Variants in WDR72 observed in about 807,000 individuals in gnomAD.
WDR72 encodes the protein WD repeat-containing protein 72.
A neutral mutation model predicts 124.2 loss-of-function variants in WDR72; 120 were observed. The observed-to-expected ratio is 0.97, with a 90% CI of 0.83 to 1.12. WDR72 has a LOEUF of 1.12. Among genes scored for constraint, WDR72 ranks in the 50% most tolerant of loss-of-function variants. The pLI is 0.00. For missense variants in WDR72, 1,387 were observed against 1,278.8 expected, an observed-to-expected ratio of 1.08 and a Z score of -1.29; for synonymous variants, 452 against 441.7, an observed-to-expected ratio of 1.02 and a Z score of -0.29.
intron 17 of WDR72, among the ~76,000 whole-genome samples, chr15:53,608,406 T>C (rs1165699917): frequency 1.3e-5 from 2 of 152,180 alleles, no homozygotes; most frequent in Admixed American, 1.3e-4. Flanking sequence ...TTAAGTGAAA[T>C]AAGCCAGGCA....
chr15:53,703,173 C>A (rs552635480), intron 11 of WDR72, among the ~76,000 whole-genome samples: 1 of 152,178 alleles, frequency 6.6e-6, no homozygotes, highest in Non-Finnish European at 1.5e-5. Flanking sequence ...CTCAGCCTTC[C>A]AAAGTGCTGG....
chr15:53,712,279 A>C (rs183526436), intron 7 of WDR72, among the ~76,000 whole-genome samples: 1 of 152,192 alleles, frequency 6.6e-6, no homozygotes, highest in African/African-American at 2.4e-5. Flanking sequence ...AGTATATCCT[A>C]ATTTTATTAA....
intron 16 of WDR72, among the ~76,000 whole-genome samples, chr15:53,609,935 T>C (rs1379111578): frequency 6.6e-6 from 1 of 152,088 alleles, no homozygotes; most frequent in Non-Finnish European, 1.5e-5. Context: ...TTTTTACAGC[T>C]TCAACACATT....
intron 13 of WDR72, among the ~76,000 whole-genome samples, chr15:53,685,181 C>T (rs1268608326): frequency 6.7e-6 from 1 of 148,276 alleles, no homozygotes; most frequent in Non-Finnish European, 1.5e-5. Context: ...AACGCAGTTC[C>T]TCACCAGCAA....
intron 18 of WDR72, among the ~76,000 whole-genome samples, chr15:53,591,702 ACACACACACACACACACAC>A (rs2012512699): frequency 2.3e-5 from 1 of 44,424 alleles, no homozygotes; most frequent in Non-Finnish European, 4.1e-5. Context: ...ACACACACAC[ACACACACACACACACACAC>A]ACACACACAT....
At chr15:53,586,751 T>C (rs1906433) in intron 18 of WDR72, among the ~76,000 whole-genome samples, 58,210 of 151,932 alleles carry the variant, frequency 0.38, 11,438 homozygotes, top group Middle Eastern at 0.57. Context: ...CCTTTTCTAA[T>C]GGTGGAGACA....
chr15:53,757,266 A>G (rs2018933071), intron 1 of WDR72, among the ~76,000 whole-genome samples: 1 of 152,172 alleles, frequency 6.6e-6, no homozygotes, highest in African/African-American at 2.4e-5. Context: ...ACAACTGGGA[A>G]AAAATAACCA....
At chr15:53,672,994 G>A (rs962663745) in intron 13 of WDR72, among the ~76,000 whole-genome samples, 15 of 152,168 alleles carry the variant, frequency 9.9e-5, no homozygotes, top group East Asian at 1.9e-4. Flanking sequence ...GGTGGTGTAC[G>A]CCTGTAGTCC....
intron 13 of WDR72, among the ~76,000 whole-genome samples, chr15:53,671,958 G>A (rs1293220215): frequency 6.7e-6 from 1 of 149,894 alleles, no homozygotes; most frequent in African/African-American, 2.5e-5. Context: ...AAGAGGGAGA[G>A]GAGAGATGGG....
chr15:53,531,310 G>A (rs1181440822), intron 18 of WDR72, among the ~76,000 whole-genome samples: 1 of 150,194 alleles, frequency 6.7e-6, no homozygotes, highest in East Asian at 2.0e-4. Flanking sequence ...TCAGTAGTGA[G>A]TATCACTTTC....
intron 18 of WDR72, among the ~76,000 whole-genome samples, chr15:53,582,596 AG>A (rs2011989245): frequency 6.6e-6 from 1 of 152,008 alleles, no homozygotes. Context: ...TTTAAAAAAA[AG>A]AATCAAAAAC....
At chr15:53,601,253 CT>C (rs1488442828) in intron 17 of WDR72, among the ~76,000 whole-genome samples, 1 of 152,010 alleles carries the variant, frequency 6.6e-6, no homozygotes, top group Non-Finnish European at 1.5e-5. Context: ...CATATCTAGC[CT>C]AACTAAGCTT....
chr15:53,740,373 T>A (rs543243647), intron 1 of WDR72, among the ~76,000 whole-genome samples: 1 of 151,506 alleles, frequency 6.6e-6, no homozygotes, highest in Admixed American at 6.6e-5. Flanking sequence ...AGTGGCGCGA[T>A]CTCAGCTCAC....
In WDR72 at chr15:53,517,767, C is replaced by T. The variant is rs758110254; in HGVS notation, c.3254-13G>A. 1 of 1,611,134 alleles carries T rather than the reference C, an allele frequency of 6.2e-7. No individual in the cohort carries two copies. The highest frequency in any genetic ancestry group is 8.5e-7 in the Non-Finnish European group (1 of 1,178,458). On this transcript the variant is annotated splice_polypyrimidine_tract_variant and intron_variant, in intron 19 of 19. Transcript: ENST00000360509. ...TGCCTTGGCTCACCTAGGAAAAAAG[C>T]AGATATCTTGGGTTATATGGTGAAA... is the stretch of plus-strand genomic sequence containing the variant.
At chr15:53,550,355 A>G (rs1188198663) in intron 18 of WDR72, among the ~76,000 whole-genome samples, 1 of 152,192 alleles carries the variant, frequency 6.6e-6, no homozygotes, top group Non-Finnish European at 1.5e-5. Context: ...CCAAAAACAG[A>G]TAGCAGGCTG....
intron 18 of WDR72, among the ~76,000 whole-genome samples, chr15:53,596,292 A>C (rs901979193): frequency 6.6e-6 from 1 of 152,172 alleles, no homozygotes; most frequent in African/African-American, 2.4e-5. Context: ...TGAAAATTAA[A>C]GTTGTACTTT....
chr15:53,590,571 A>G (rs892132947), intron 18 of WDR72, among the ~76,000 whole-genome samples: 2 of 151,974 alleles, frequency 1.3e-5, no homozygotes, highest in African/African-American at 4.8e-5. Flanking sequence ...GCACTTGGTA[A>G]ATATTTGCTG....
chr15:53,669,435 C>T (rs191704386), intron 13 of WDR72, among the ~76,000 whole-genome samples: 24 of 152,228 alleles, frequency 1.6e-4, no homozygotes, highest in Admixed American at 1.0e-3. Flanking sequence ...AGTTCTAGGG[C>T]TAGGAGTCAT....
At position 53,683,561 on chromosome 15, in the gene WDR72, A is replaced by C. The variant is rs912810017; in HGVS notation, c.1765+16189T>G. On this transcript the variant is annotated intron_variant, in intron 13 of 19. Coordinates refer to ENST00000360509, the MANE Select transcript of WDR72 (RefSeq NM_182758.4). Reference sequence around the variant, plus strand: ...TTATACTAACTGAATCCTATGAAACAACTGTCTTTGGCTACTATAAATTGC... The same window carrying C: ...TTATACTAACTGAATCCTATGAAACCACTGTCTTTGGCTACTATAAATTGC... Among the ~76,000 whole-genome samples the C allele has an allele frequency of 5.3e-5, 8 of 152,240 alleles. No individual in the cohort carries two copies. The South Asian group carries it at 1.7e-3, about 32-fold the overall frequency.
Sources: gnomAD v4.1 joint callset for allele counts (sites outside exome capture counted in the v4.1 genomes callset) on GRCh38, gnomAD v4.1.1 for gene constraint, MANE v1.5 for transcripts, NCBI Gene and HGNC (gene_info 2026-07-23, HGNC 2026-07-21) for gene names.